Variants in SCGN observed in about 807,000 individuals in gnomAD.
The protein encoded by SCGN is secretagogin, EF-hand calcium binding protein.
Under a neutral mutation model 39.7 loss-of-function variants are expected in SCGN, and 30 were observed. That is an observed-to-expected ratio of 0.76 (90% CI 0.57 to 1.03). SCGN has a LOEUF of 1.03. Among genes scored for constraint, SCGN ranks in the 50% least tolerant of loss-of-function variants. The probability of loss-of-function intolerance (pLI) is 0.00; values close to 1 mark genes in which losing one functional copy is unlikely to be tolerated. For missense variants in SCGN, 353 were observed against 349.4 expected (o/e 1.01, Z -0.08); for synonymous variants, 106 against 114.1 (o/e 0.93, Z 0.45).
chr6:25,661,205 G>GAAAATCTGT (rs1760329711), intron 2 of SCGN, among the ~76,000 whole-genome samples: 3 of 152,164 alleles, frequency 2.0e-5, no homozygotes, highest in Admixed American at 2.0e-4. Context: ...TTATTGGGAA[G>GAAAATCTGT]AAAATCTGTA....
chr6:25,654,273 T>C (rs1270163603), intron 2 of SCGN, among the ~76,000 whole-genome samples: 1 of 152,188 alleles, frequency 6.6e-6, no homozygotes, highest in African/African-American at 2.4e-5. Context: ...GAGAGCTCAG[T>C]GAGGGAACAA....
At chr6:25,693,451 C>CAAAAAAAAA in intron 10 of SCGN, among the ~76,000 whole-genome samples, 1 of 48,416 alleles carries the variant, frequency 2.1e-5, no homozygotes, top group Non-Finnish European at 3.7e-5. Context: ...GACTCCGTCT[C>CAAAAAAAAA]AAAAAAAAAA....
chr6:25,677,304 T>A (rs180944588), intron 6 of SCGN, among the ~76,000 whole-genome samples: 3 of 152,340 alleles, frequency 2.0e-5, no homozygotes, highest in Non-Finnish European at 2.9e-5. Flanking sequence ...TTACCTATAA[T>A]TCAGATATTT....
intron 7 of SCGN, among the ~76,000 whole-genome samples, chr6:25,686,871 A>G (rs898539151): frequency 1.3e-5 from 2 of 152,118 alleles, no homozygotes; most frequent in East Asian, 3.8e-4. Context: ...TTAATTGTTT[A>G]ATACAGTGTA....
At chr6:25,666,355 CA>C (rs964863159) in intron 4 of SCGN, among the ~76,000 whole-genome samples, 3 of 147,666 alleles carry the variant, frequency 2.0e-5, no homozygotes, top group East Asian at 2.0e-4. Flanking sequence ...AACTCGGTCT[CA>C]AAAAAAAACA....
intron 9 of SCGN, 29 bp from the exon 10 acceptor site, chr6:25,691,027 T>C: frequency 6.3e-7 from 1 of 1,592,418 alleles, no homozygotes; most frequent in African/African-American, 1.3e-5. Context: ...GAAACTGATA[T>C]TTGGGCAATT....
intron 10 of SCGN, among the ~76,000 whole-genome samples, chr6:25,694,180 C>G (rs1759810189): frequency 6.6e-6 from 1 of 152,106 alleles, no homozygotes; most frequent in Non-Finnish European, 1.5e-5. Flanking sequence ...ATATCTATAA[C>G]CAGTAATTTT....
At chr6:25,693,476 A>AG (rs1245984607) in intron 10 of SCGN, among the ~76,000 whole-genome samples, 2 of 149,334 alleles carry the variant, frequency 1.3e-5, no homozygotes, top group African/African-American at 4.9e-5. Context: ...AAAAAAAAAA[A>AG]GGAACAAAGC....
At chr6:25,665,725 C>G (rs924214748) in intron 4 of SCGN, among the ~76,000 whole-genome samples, 5 of 152,210 alleles carry the variant, frequency 3.3e-5, no homozygotes, top group African/African-American at 7.2e-5. Context: ...GAAATAGTTA[C>G]CATGTCCCCA....
At chr6:25,669,692 C>A in intron 5 of SCGN, 125 bp downstream of exon 5, 1 of 755,168 alleles carries the variant, frequency 1.3e-6, no homozygotes, top group East Asian at 2.5e-5. Context: ...AAAATACATA[C>A]ATATGTACAT....
intron 6 of SCGN, among the ~76,000 whole-genome samples, chr6:25,675,585 G>A (rs1759554511): frequency 6.6e-6 from 1 of 152,228 alleles, no homozygotes. Flanking sequence ...AGATTCTCCT[G>A]TTTCAACCCG....
intron 2 of SCGN, among the ~76,000 whole-genome samples, chr6:25,656,113 CA>C (rs1242754580): frequency 6.6e-6 from 1 of 152,186 alleles, no homozygotes; most frequent in East Asian, 1.9e-4. Context: ...AGGCCTTAAG[CA>C]AGTTCTTAAC....
chr6:25,691,426 A>G (rs1759772263), intron 10 of SCGN, among the ~76,000 whole-genome samples: 1 of 152,220 alleles, frequency 6.6e-6, no homozygotes, highest in Non-Finnish European at 1.5e-5. Context: ...TTGGTTACAG[A>G]AAGTCCCTCT....
intron 3 of SCGN, among the ~76,000 whole-genome samples, chr6:25,663,898 ACCTAAATC>A (rs1419362699): frequency 3.3e-5 from 5 of 152,146 alleles, no homozygotes; most frequent in Non-Finnish European, 1.5e-5. Context: ...AGCTAATTAC[ACCTAAATC>A]CCTTCTGGAG....
At chr6:25,670,292 A>T (rs1759478105) in intron 6 of SCGN, among the ~76,000 whole-genome samples, 1 of 152,210 alleles carries the variant, frequency 6.6e-6, no homozygotes, top group Non-Finnish European at 1.5e-5. Context: ...AAAGCTGTTC[A>T]CCAGTCTGTG....
At chr6:25,682,106 T>C (rs2151381012) in intron 7 of SCGN, 100 bp downstream of exon 7, 1 of 864,104 alleles carries the variant, frequency 1.2e-6, no homozygotes, top group Non-Finnish European at 1.9e-6. Context: ...AAGCCTCACC[T>C]GGAGTCTAAA....
chr6:25,672,815 G>A (rs1452971319), intron 6 of SCGN, among the ~76,000 whole-genome samples: 1 of 152,208 alleles, frequency 6.6e-6, no homozygotes, highest in African/African-American at 2.4e-5. Flanking sequence ...TGCCATCCAG[G>A]TGATGGAAGA....
At chr6:25,659,313 A>G (rs1387316841) in intron 2 of SCGN, among the ~76,000 whole-genome samples, 1 of 152,188 alleles carries the variant, frequency 6.6e-6, no homozygotes, top group African/African-American at 2.4e-5. Context: ...GAACCATCTA[A>G]TTTATTAACG....
chr6:25,685,422 G>A (rs1013482027), intron 7 of SCGN, among the ~76,000 whole-genome samples: 1 of 152,056 alleles, frequency 6.6e-6, no homozygotes, highest in African/African-American at 2.4e-5. Flanking sequence ...CATGATTTAG[G>A]CTGCCTGGTG....
Sources: gnomAD v4.1 joint callset for allele counts (sites outside exome capture counted in the v4.1 genomes callset) on GRCh38, gnomAD v4.1.1 for gene constraint, MANE v1.5 for transcripts, NCBI Gene and HGNC (gene_info 2026-07-23, HGNC 2026-07-21) for gene names.